Variants in ATP8B2 observed in about 807,000 individuals in gnomAD.
The protein encoded by ATP8B2 is ATPase phospholipid transporting 8B2.
A neutral mutation model predicts 133.4 loss-of-function variants in ATP8B2; 70 were observed. That is an observed-to-expected ratio of 0.52 (90% CI 0.43 to 0.64). The LOEUF (loss-of-function observed/expected upper bound fraction) is 0.64, where lower values mean the gene tolerates loss of function less well. Among genes scored for constraint, ATP8B2 ranks in the 30% least tolerant of loss-of-function variants. The pLI, the probability that ATP8B2 is intolerant of heterozygous loss-of-function variation, is 0.00. For synonymous variants in ATP8B2, 517 were observed against 589.5 expected (o/e 0.88, Z 1.78); for missense variants, 1,101 against 1,535.7 (o/e 0.72, Z 4.73).
chr1:154,336,123 A>G (rs114524530), intron 11 of ATP8B2, among the ~76,000 whole-genome samples: 3,393 of 151,868 alleles, frequency 0.022, 129 homozygotes, highest in African/African-American at 0.079. Flanking sequence ...TACCTAGCCC[A>G]GGTGAATAGA....
chr1:154,341,182 C>A, intron 13 of ATP8B2, 120 bp downstream of exon 13: 1 of 1,076,246 alleles, frequency 9.3e-7, no homozygotes, highest in Non-Finnish European at 1.4e-6. Flanking sequence ...TCTGAGGGGC[C>A]TAGAAGAAAG....
chr1:154,346,528 G>A lies in ATP8B2; in HGVS notation c.3024+52G>A, dbSNP rs902024583. ...CTTCTCTGGAAGGAGTGAGCCTTCT[G>A]TCCCTGGGGCTGCCCTGGGCACCAC... On this transcript the variant is annotated intron_variant, in intron 25 of 27. Transcript: ENST00000368489. This position sits in a 1 kb window ranked among gnomAD's most constrained non-coding sequence, Gnocchi z 4.5. 6.2e-7 allele frequency: 1 copy of A among 1,605,768 alleles called. No homozygotes were observed. Among genetic ancestry groups the A allele is most frequent in the Non-Finnish European group, 8.5e-7 (1 of 1,174,898 alleles).
intron 11 of ATP8B2, among the ~76,000 whole-genome samples, chr1:154,336,899 A>G (rs922063801): frequency 4.0e-5 from 6 of 150,942 alleles, no homozygotes; most frequent in Admixed American, 2.6e-4. Flanking sequence ...GGTTCAAGCA[A>G]TTCTCATGCC....
In ATP8B2 at chr1:154,332,816, T is replaced by C. The variant is rs901797176; in HGVS notation, c.589+119T>C. 3.6e-5 allele frequency: 27 copies of C among 758,424 alleles called. No individual in the cohort carries two copies. The African/African-American group carries it at 4.7e-4, about 13-fold the overall frequency. The allele number at this position is 758,424 out of a possible 1,614,324, so 47.0% of individuals were successfully genotyped here. The stretch of plus-strand genomic sequence containing the variant: ...GTTGTTATTATGCAACTCCCTGGAC[T>C]GTTTTGGGGAGGGGAGTGTTTGTAA... On this transcript the variant is annotated intron_variant, in intron 9 of 27. Transcript: ENST00000368489.
chr1:154,327,087 G>C (rs1685814320), intron 1 of ATP8B2, among the ~76,000 whole-genome samples: 1 of 152,236 alleles, frequency 6.6e-6, no homozygotes, highest in South Asian at 2.1e-4. Flanking sequence ...GGGTGACTGG[G>C]TTGTGGCCAG....
At chr1:154,347,099 A>G (rs1686609966) in intron 26 of ATP8B2, among the ~76,000 whole-genome samples, 1 of 152,160 alleles carries the variant, frequency 6.6e-6, no homozygotes, top group Non-Finnish European at 1.5e-5. Flanking sequence ...CATGTTGGCC[A>G]GGCTGGTCTT....
At position 154,325,555 on chromosome 1, in the gene ATP8B2, C is replaced by T. The variant is rs1685755604; in HGVS notation, c.-185C>T. The T allele has an allele frequency of 1.3e-5, 2 of 151,996 alleles. No homozygotes were observed. Among genetic ancestry groups the T allele is most frequent in the African/African-American group, 2.4e-5 (1 of 41,430 alleles). The allele number at this position is 151,996 out of a possible 1,614,324, so 9.4% of individuals were successfully genotyped here. A position where few individuals can be genotyped will look rare whatever the true frequency, so the allele number is the denominator to read the frequency against. ...CGCCCCGCCGTGGCCGAAACTGACA[C>T]AAAGTAGCGGGCCGAGGCCCCGGGG... On this transcript the variant is annotated 5_prime_UTR_variant, in exon 1 of 28. Transcript: ENST00000368489.
rs780327470 is a variant in ATP8B2, at chr1:154,348,858, G to T, written c.3313G>T (p.Val1105Leu). Residue 1105 changes from valine to leucine, a missense_variant, in exon 28 of 28, where the codon GTG becomes TTG. By Grantham distance (32) the Val-to-Leu change is conservative. Transcript: ENST00000368489. ...TCTGCAGGTCCGCTACACACAGCTC[G>T]TGAGGAAGAAGCAGAAGGCCCAGCA... ...LSDTVRYTQLVRKKQKAQHRC... is the reference protein window; with the variant it reads ...LSDTVRYTQLLRKKQKAQHRC... 9.3e-6 allele frequency: 15 copies of T among 1,606,666 alleles called. No homozygotes were observed. Among genetic ancestry groups the T allele is most frequent in the Admixed American group, 1.7e-5 (1 of 59,550 alleles).
At chr1:154,337,161 C>CA (rs1210982820) in intron 11 of ATP8B2, among the ~76,000 whole-genome samples, 187 bp from the exon 12 acceptor site, 1 of 150,794 alleles carries the variant, frequency 6.6e-6, no homozygotes, top group African/African-American at 2.4e-5. Flanking sequence ...ACCAAAATCT[C>CA]ATAGTGTTTT....
At chr1:154,325,920 G>C (rs1472348687) in intron 1 of ATP8B2, among the ~76,000 whole-genome samples, 5 of 152,150 alleles carry the variant, frequency 3.3e-5, no homozygotes, top group Admixed American at 6.5e-5. Context: ...GGCAGAGCGG[G>C]GGTCTGCGTA....
rs115833823 is a variant in ATP8B2 at position 154,340,845 on chromosome 1, C to G, written c.1035-9C>G. The G allele has an allele frequency of 4.0e-5, 64 of 1,614,026 alleles. No individual in the cohort carries two copies. In the African/African-American group the frequency reaches 8.3e-4, roughly 21 times the overall value. On this transcript the variant is annotated splice_polypyrimidine_tract_variant and intron_variant, in intron 12 of 27. Transcript: ENST00000368489. The surrounding 1 kb of genome is among the most constrained non-coding windows in gnomAD (Gnocchi z 4.0). ...CCGACCCAAGCCTCACCTCTTGTCC[C>G]CTGTGCAGTGTGGAGGTCATCCGTC...
Position 154,334,336 on chromosome 1 carries a change from T to C in ATP8B2, c.748+71T>C. The C allele has an allele frequency of 1.3e-6, 2 of 1,588,846 alleles. No homozygotes were observed. Among genetic ancestry groups the C allele is most frequent in the Admixed American group, 1.7e-5 (1 of 58,466 alleles). ...CCAGCCCTCACTCAGGAGTATGGGA[T>C]GAGGTGGGAGAATACCTAAGGTAAA... On this transcript the variant is annotated intron_variant, in intron 10 of 27. Transcript: ENST00000368489. This position sits in a 1 kb window ranked among gnomAD's most constrained non-coding sequence, Gnocchi z 4.6.
chr1:154,327,757 C>T (rs763987894), intron 1 of ATP8B2: 2 of 1,583,446 alleles, frequency 1.3e-6, no homozygotes, highest in South Asian at 1.1e-5. Flanking sequence ...ACAAGCACTA[C>T]TCATTGCCGC....
At chr1:154,330,729 G>A in intron 3 of ATP8B2, 86 bp from the exon 4 acceptor site, 2 of 1,155,472 alleles carry the variant, frequency 1.7e-6, no homozygotes, top group Non-Finnish European at 1.3e-6. Flanking sequence ...GAGGTCTGGG[G>A]AAGTATAAAG....
At chr1:154,326,144 A>G (rs981526567) in intron 1 of ATP8B2, among the ~76,000 whole-genome samples, 3 of 152,040 alleles carry the variant, frequency 2.0e-5, no homozygotes, top group Non-Finnish European at 2.9e-5. Flanking sequence ...TGCCTGAGGA[A>G]AACTGAGGGT....
At position 154,343,626 on chromosome 1, in the gene ATP8B2, G is replaced by A; in HGVS notation, c.1758+58G>A. 1.3e-6 allele frequency: 2 copies of A among 1,504,274 alleles called. No individual in the cohort carries two copies. The highest frequency in any genetic ancestry group is 1.8e-6 in the Non-Finnish European group (2 of 1,083,354). The allele number at this position is 1,504,274 out of a possible 1,614,324, so 93.2% of individuals were successfully genotyped here. A position where few individuals can be genotyped will look rare whatever the true frequency, so the allele number is the denominator to read the frequency against. On this transcript the variant is annotated intron_variant, in intron 17 of 27. Coordinates refer to ENST00000368489, the MANE Select transcript of ATP8B2 (RefSeq NM_001370597.1). The surrounding 1 kb of genome is among the most constrained non-coding windows in gnomAD (Gnocchi z 5.8). ...GGGTTCTACTCTTAGTGTGGGGGAG[G>A]CGACTTAAGTTTGTTTTATTGTGTA...
rs557794271 is a variant in ATP8B2 at position 154,349,004 on chromosome 1, G to A, written c.3459G>A (p.Ala1153=). The A allele has an allele frequency of 3.2e-5, 52 of 1,614,232 alleles. No homozygotes were observed. In the South Asian group the frequency reaches 4.7e-4, roughly 15 times the overall value. Residue 1153 remains alanine (A), a synonymous_variant, in exon 28 of 28, where the codon GCG becomes GCA. Coordinates refer to ENST00000368489, the MANE Select transcript of ATP8B2 (RefSeq NM_001370597.1). The part of the protein sequence containing the change: ...SGKNMRLSSL[A]LSSFTTRSSS... ...AGAACATGCGGCTGAGCTCTCTCGCGCTCTCCAGCTTCACCACCCGCTCCA... is the reference window on the plus strand; with the variant it reads ...AGAACATGCGGCTGAGCTCTCTCGCACTCTCCAGCTTCACCACCCGCTCCA...
Position 154,344,412 on chromosome 1 carries a change from G to GGCT in ATP8B2, c.2054_2056dup (p.Gly685_Tyr686insCys). On this transcript the variant is annotated inframe_insertion, in exon 20 of 28. Coordinates refer to ENST00000368489, the MANE Select transcript of ATP8B2 (RefSeq NM_001370597.1). This position sits in a 1 kb window ranked among gnomAD's most constrained non-coding sequence, Gnocchi z 4.1. ...CTTGGTAGAGACGGCTGTGAACATC[G>GGCT]GCTATTCCTGCAAGATGCTGACGGA... is the stretch of plus-strand genomic sequence containing the variant. 6.2e-7 allele frequency: 1 copy of GGCT among 1,614,084 alleles called. No homozygotes were observed. Among genetic ancestry groups the GGCT allele is most frequent in the Non-Finnish European group, 8.5e-7 (1 of 1,180,004 alleles).
chr1:154,347,855 C>T (rs1049224617), intron 26 of ATP8B2, among the ~76,000 whole-genome samples: 17 of 150,612 alleles, frequency 1.1e-4, no homozygotes, highest in Non-Finnish European at 1.8e-4. Context: ...GCAGGAGAAT[C>T]GCTTGAACCT....
Sources: gnomAD v4.1 joint callset for allele counts (sites outside exome capture counted in the v4.1 genomes callset) on GRCh38, gnomAD v4.1.1 for gene constraint, Gnocchi (gnomAD v3.1) non-coding constraint, MANE v1.5 for transcripts, NCBI Gene and HGNC (gene_info 2026-07-23, HGNC 2026-07-21) for gene names.